The following ZIM2 variants were observed in gnomAD, a reference collection of about 807,000 sequenced individuals.
The protein encoded by ZIM2 is zinc finger imprinted 2.
A neutral mutation model predicts 38.6 loss-of-function variants in ZIM2; 14 were observed. The ratio of observed to expected loss-of-function variants is 0.36; its 90% CI spans 0.24 to 0.57. ZIM2 has a LOEUF of 0.57. Among genes scored for constraint, ZIM2 ranks in the 20% least tolerant of loss-of-function variants. The pLI, the probability that ZIM2 is intolerant of heterozygous loss-of-function variation, is 0.81. For synonymous variants in ZIM2, 247 were observed against 245.8 expected, an observed-to-expected ratio of 1.00 and a Z score of -0.04; for missense variants, 680 against 695.1, an observed-to-expected ratio of 0.98 and a Z score of 0.24.
intron 9 of ZIM2, among the ~76,000 whole-genome samples, chr19:56,802,953 G>C (rs1367104751): frequency 6.6e-6 from 1 of 152,164 alleles, no homozygotes; most frequent in Non-Finnish European, 1.5e-5. Flanking sequence ...AATTGCCCTA[G>C]GAATACATAT....
At chr19:56,824,797 TG>T in intron 3 of ZIM2, 1 of 749,612 alleles carries the variant, frequency 1.3e-6, no homozygotes, top group Non-Finnish European at 2.2e-6. Flanking sequence ...CAGGCAGCAG[TG>T]GAGGCCACCT....
At chr19:56,817,929 A>G (rs2060131017) in intron 8 of ZIM2, 91 bp from the exon 9 acceptor site, 3 of 960,706 alleles carry the variant, frequency 3.1e-6, no homozygotes, top group Admixed American at 4.1e-5. Context: ...CTGAGCCACT[A>G]AATATGAGGT....
At chr19:56,797,932 C>G (rs2047313505) in intron 9 of ZIM2, 1 of 152,162 alleles carries the variant, frequency 6.6e-6, no homozygotes, top group Admixed American at 6.5e-5. Context: ...TAATCTGCTG[C>G]TACAGAGTTA....
chr19:56,808,831 T>C (rs2047904670), intron 9 of ZIM2, among the ~76,000 whole-genome samples: 1 of 152,102 alleles, frequency 6.6e-6, no homozygotes, highest in Admixed American at 6.5e-5. Flanking sequence ...GGAACCAGGA[T>C]TCCCTCTGGC....
At chr19:56,778,457 G>A (rs949276798) in intron 12 of ZIM2, among the ~76,000 whole-genome samples, 18 of 152,326 alleles carry the variant, frequency 1.2e-4, no homozygotes, top group African/African-American at 4.3e-4. Context: ...GTTCAGGAAA[G>A]GGATATAACC....
chr19:56,790,050 G>A (rs1000757441), intron 9 of ZIM2, 99 bp from the exon 10 acceptor site: 2 of 964,498 alleles, frequency 2.1e-6, no homozygotes, highest in African/African-American at 1.7e-5. Context: ...CCTGCCATGG[G>A]AAGGAACAGC....
intron 9 of ZIM2, 124 bp from the exon 10 acceptor site, chr19:56,790,075 T>G (rs1277197705): frequency 1.5e-6 from 1 of 646,192 alleles, no homozygotes; most frequent in Non-Finnish European, 2.3e-6. Flanking sequence ...CTAGAGTTCC[T>G]ATGGTGAGAA....
intron 10 of ZIM2, 47 bp from the exon 11 acceptor site, chr19:56,782,168 T>C (rs761032543): frequency 6.3e-7 from 1 of 1,591,978 alleles, no homozygotes; most frequent in East Asian, 2.2e-5. Flanking sequence ...GGACTGAACA[T>C]GATGCAGGCA....
intron 10 of ZIM2, among the ~76,000 whole-genome samples, chr19:56,787,752 G>A (rs2046693078): frequency 2.2e-5 from 3 of 134,806 alleles, no homozygotes; most frequent in Non-Finnish European, 4.6e-5. Flanking sequence ...ATTAATTACT[G>A]CCTCAATTTC....
chr19:56,778,447 G>A (rs563086036), intron 12 of ZIM2, among the ~76,000 whole-genome samples: 17 of 152,212 alleles, frequency 1.1e-4, no homozygotes, highest in Admixed American at 1.1e-3. Flanking sequence ...ACAGCTGCTA[G>A]TTCAGGAAAG....
At chr19:56,815,583 G>A in intron 9 of ZIM2, 13 of 1,614,120 alleles carry the variant, frequency 8.1e-6, no homozygotes, top group South Asian at 1.1e-5. Context: ...AAGGCAGAGA[G>A]TGAATTACAG....
intron 7 of ZIM2, 144 bp downstream of exon 7, chr19:56,821,507 G>C: frequency 1.1e-6 from 1 of 944,328 alleles, no homozygotes. Flanking sequence ...CCTAAGGGAT[G>C]GGCCCGGGCT....
chr19:56,818,720 G>C lies in ZIM2; in HGVS notation c.295-18C>G. On this transcript the variant is annotated intron_variant, in intron 7 of 12. Transcript: ENST00000629319. ...TCAGCATCCTAAAACAGCAAACACA[G>C]ACCTCTCAATGGAGTCTGTCCCCAC... 1 of 1,613,486 alleles carries C rather than the reference G, an allele frequency of 6.2e-7. No individual in the cohort carries two copies. The highest frequency in any genetic ancestry group is 8.5e-7 in the Non-Finnish European group (1 of 1,179,478).
intron 6 of ZIM2, among the ~76,000 whole-genome samples, chr19:56,822,269 C>G (rs1000036135): frequency 6.6e-6 from 1 of 152,202 alleles, no homozygotes; most frequent in African/African-American, 2.4e-5. Context: ...AAATGATTTC[C>G]AGCAGTATGG....
intron 9 of ZIM2, among the ~76,000 whole-genome samples, chr19:56,797,630 TCTC>T (rs2047298915): frequency 1.3e-5 from 2 of 152,270 alleles, no homozygotes; most frequent in Admixed American, 6.5e-5. Flanking sequence ...TCTTTCTTCT[TCTC>T]CTCCTTCTTC....
intron 12 of ZIM2, among the ~76,000 whole-genome samples, chr19:56,775,840 A>G (rs761400062): frequency 2.6e-5 from 4 of 152,018 alleles, no homozygotes; most frequent in Non-Finnish European, 5.9e-5. Context: ...AGTGGCTCAT[A>G]CCTGTAATCC....
At chr19:56,813,722 T>G in intron 9 of ZIM2, 1 of 1,614,124 alleles carries the variant, frequency 6.2e-7, no homozygotes, top group South Asian at 1.1e-5. Context: ...AGGCGGTCAT[T>G]GAAGAGCTGC....
At chr19:56,838,519 G>A (rs1041122697) in intron 1 of ZIM2, among the ~76,000 whole-genome samples, 9 of 151,668 alleles carry the variant, frequency 5.9e-5, no homozygotes, top group African/African-American at 2.2e-4. Context: ...CCCCCACTAA[G>A]CCGCCCCCAT....
In ZIM2 at chr19:56,817,818, C is replaced by A. The variant is rs771803012; in HGVS notation, c.418G>T (p.Asp140Tyr). Reference protein sequence around the residue: ...LSLGVQLAEDDGHSHMTQGHS... With the variant: ...LSLGVQLAEDYGHSHMTQGHS... ...CCCTGCGTCATGTGGGAGTGGCCAT[C>A]GTCTTCAGCAAGCTGCACTCCTGGT... The change falls in exon 9 of 13, where the codon GAT becomes TAT. Residue 140 changes from aspartate to tyrosine, a missense_variant. Transcript: ENST00000629319. 1.9e-6 allele frequency: 3 copies of A among 1,614,012 alleles called. No homozygotes were observed. Among genetic ancestry groups the A allele is most frequent in the Non-Finnish European group, 2.5e-6 (3 of 1,179,990 alleles).
Sources: gnomAD v4.1 joint callset for allele counts (sites outside exome capture counted in the v4.1 genomes callset) on GRCh38, gnomAD v4.1.1 for gene constraint, MANE v1.5 for transcripts, NCBI Gene and HGNC (gene_info 2026-07-23, HGNC 2026-07-21) for gene names.